Variants in WWOX observed in about 807,000 individuals in gnomAD.
WWOX encodes the protein WW domain-containing oxidoreductase.
WWOX carries 69 observed loss-of-function variants against 46.2 expected under a neutral mutation model. The observed-to-expected ratio is 1.49, with a 90% CI of 1.23 to 1.82. WWOX has a LOEUF of 1.82. WWOX is among the 40% of genes most tolerant of loss of function. The probability of loss-of-function intolerance (pLI) is 0.00; values close to 1 mark genes in which losing one functional copy is unlikely to be tolerated. For synonymous variants in WWOX, 359 were observed against 202.6 expected, an observed-to-expected ratio of 1.77 and a Z score of -6.56; for missense variants, 919 against 542.6, an observed-to-expected ratio of 1.69 and a Z score of -6.89.
At chr16:78,323,979 T>G (rs773034272) in intron 5 of WWOX, among the ~76,000 whole-genome samples, 9 of 152,190 alleles carry the variant, frequency 5.9e-5, no homozygotes, top group Non-Finnish European at 1.2e-4. Context: ...CATTTTTGGA[T>G]GCATTTTCCT....
chr16:78,221,528 C>T (rs1249919212), intron 5 of WWOX, among the ~76,000 whole-genome samples: 2 of 152,106 alleles, frequency 1.3e-5, no homozygotes, highest in African/African-American at 4.8e-5. Context: ...AAGGTCTTGT[C>T]TTTCCTCAGA....
At chr16:78,852,715 C>T (rs559436914) in intron 8 of WWOX, among the ~76,000 whole-genome samples, 1 of 152,288 alleles carries the variant, frequency 6.6e-6, no homozygotes, top group East Asian at 1.9e-4. Flanking sequence ...ATACAGAGCC[C>T]ATATGCGCTG....
At chr16:78,538,794 G>A (rs1006658214) in intron 8 of WWOX, among the ~76,000 whole-genome samples, 3 of 152,126 alleles carry the variant, frequency 2.0e-5, no homozygotes, top group Non-Finnish European at 2.9e-5. Context: ...TTCCTAAAAC[G>A]CATGGGTGGA....
At chr16:78,313,591 C>G (rs1486411547) in intron 5 of WWOX, among the ~76,000 whole-genome samples, 2 of 152,194 alleles carry the variant, frequency 1.3e-5, no homozygotes, top group Admixed American at 6.5e-5. Context: ...GCCTCAAACT[C>G]CTGACCTCAG....
At chr16:79,109,674 T>G (rs960360067) in intron 8 of WWOX, among the ~76,000 whole-genome samples, 2 of 152,228 alleles carry the variant, frequency 1.3e-5, no homozygotes, top group Admixed American at 1.3e-4. Context: ...CCAAGTTTGG[T>G]GTTCATTATT....
At chr16:79,048,397 G>T (rs1183246122) in intron 8 of WWOX, among the ~76,000 whole-genome samples, 2 of 152,106 alleles carry the variant, frequency 1.3e-5, no homozygotes, top group African/African-American at 4.8e-5. Flanking sequence ...TTTTCTGCTT[G>T]GTTCAGCAGC....
intron 1 of WWOX, among the ~76,000 whole-genome samples, chr16:78,103,968 C>T (rs970175890): frequency 1.3e-5 from 2 of 152,016 alleles, no homozygotes; most frequent in African/African-American, 4.8e-5. Flanking sequence ...GGGGTGAGGT[C>T]GAGGTAGACC....
intron 8 of WWOX, among the ~76,000 whole-genome samples, chr16:78,581,814 A>G (rs755486804): frequency 9.2e-5 from 14 of 152,184 alleles, no homozygotes; most frequent in Non-Finnish European, 1.8e-4. Flanking sequence ...ACCAACTAGT[A>G]GTGTAAGTTG....
chr16:78,289,545 C>T (rs941192103), intron 5 of WWOX, among the ~76,000 whole-genome samples: 8 of 152,078 alleles, frequency 5.3e-5, no homozygotes, highest in Non-Finnish European at 8.8e-5. Flanking sequence ...AGTACTTTTC[C>T]CAACAATCGG....
At chr16:78,217,574 G>T (rs946536890) in intron 5 of WWOX, among the ~76,000 whole-genome samples, 1 of 152,142 alleles carries the variant, frequency 6.6e-6, no homozygotes, top group Non-Finnish European at 1.5e-5. Context: ...TCTCCCAGAT[G>T]CTGGGCTTCC....
At chr16:78,499,170 G>T (rs143306435) in intron 8 of WWOX, among the ~76,000 whole-genome samples, 1 of 151,838 alleles carries the variant, frequency 6.6e-6, no homozygotes. Context: ...GTGATAGTGC[G>T]TATCTAACAC....
At chr16:78,631,308 C>T (rs1229482392) in intron 8 of WWOX, among the ~76,000 whole-genome samples, 1 of 152,082 alleles carries the variant, frequency 6.6e-6, no homozygotes, top group Non-Finnish European at 1.5e-5. Flanking sequence ...GGCCTCACCA[C>T]ATCAGAATAT....
intron 8 of WWOX, among the ~76,000 whole-genome samples, chr16:79,055,363 C>G (rs976970061): frequency 4.6e-5 from 7 of 152,176 alleles, no homozygotes; most frequent in Admixed American, 1.3e-4. Flanking sequence ...TCCCTTGTAT[C>G]TAGGCTGCAC....
chr16:79,066,672 A>G (rs942017226), intron 8 of WWOX, among the ~76,000 whole-genome samples: 10 of 152,224 alleles, frequency 6.6e-5, no homozygotes, highest in African/African-American at 1.4e-4. Context: ...ACTTAATTCA[A>G]TCGGCGAATT....
intron 8 of WWOX, among the ~76,000 whole-genome samples, chr16:78,640,398 T>G (rs896670992): frequency 2.6e-5 from 4 of 152,172 alleles, no homozygotes; most frequent in Non-Finnish European, 5.9e-5. Flanking sequence ...GTGTTCAGAA[T>G]TGGCAGGAAG....
At chr16:78,122,372 C>T (rs2033138821) in intron 4 of WWOX, among the ~76,000 whole-genome samples, 1 of 152,028 alleles carries the variant, frequency 6.6e-6, no homozygotes, top group Non-Finnish European at 1.5e-5. Flanking sequence ...ATGGTGTCAG[C>T]ATAACAAATG....
chr16:78,763,339 C>T (rs2049840786), intron 8 of WWOX, among the ~76,000 whole-genome samples: 1 of 152,192 alleles, frequency 6.6e-6, no homozygotes, highest in African/African-American at 2.4e-5. Context: ...TTCTTCGACC[C>T]TCACATGTTT....
chr16:78,741,611 T>C (rs1456685407), intron 8 of WWOX, among the ~76,000 whole-genome samples: 1 of 151,824 alleles, frequency 6.6e-6, no homozygotes, highest in Non-Finnish European at 1.5e-5. Context: ...TCCCAGCACT[T>C]TGGGAGGCTG....
chr16:79,048,540 C>G (rs1223353854), intron 8 of WWOX, among the ~76,000 whole-genome samples: 1 of 151,988 alleles, frequency 6.6e-6, no homozygotes, highest in Non-Finnish European at 1.5e-5. Context: ...AATTTGGTAT[C>G]AATTGTTTGG....
Sources: allele counts gnomAD v4.1 joint callset (sites outside exome capture counted in the v4.1 genomes callset), GRCh38; gene constraint gnomAD v4.1.1; transcripts MANE v1.5; gene names NCBI Gene and HGNC (gene_info 2026-07-23, HGNC 2026-07-21).